MAP4K3: variants seen among roughly 807,000 people sequenced by gnomAD.
MAP4K3 encodes the protein mitogen-activated protein kinase kinase kinase kinase 3.
A neutral mutation model predicts 143.5 loss-of-function variants in MAP4K3; 94 were observed. The ratio of observed to expected loss-of-function variants is 0.65; its 90% CI spans 0.55 to 0.78. The LOEUF is 0.78. Among genes scored for constraint, MAP4K3 ranks in the 30% least tolerant of loss-of-function variants. The pLI, the probability that MAP4K3 is intolerant of heterozygous loss-of-function variation, is 0.00. For synonymous variants in MAP4K3, 416 were observed against 347.2 expected (o/e 1.20, Z -2.20); for missense variants, 1,077 against 1,068.1 (o/e 1.01, Z -0.12).
At chr2:39,280,212 C>A in intron 23 of MAP4K3, 60 bp downstream of exon 23, 1 of 946,654 alleles carries the variant, frequency 1.1e-6, no homozygotes, top group Non-Finnish European at 1.5e-6. Context: ...ATCACAAATG[C>A]TTTCATGGCC....
chr2:39,417,663 T>C (rs1558345900), intron 1 of MAP4K3, among the ~76,000 whole-genome samples: 1 of 152,236 alleles, frequency 6.6e-6, no homozygotes, highest in Non-Finnish European at 1.5e-5. Flanking sequence ...AAAATAATTA[T>C]AGATATGTAT....
chr2:39,329,328 G>A (rs1051855373), intron 8 of MAP4K3, among the ~76,000 whole-genome samples: 1 of 152,114 alleles, frequency 6.6e-6, no homozygotes, highest in Admixed American at 6.5e-5. Flanking sequence ...GAAGAACAAA[G>A]AGAAATATAT....
intron 15 of MAP4K3, among the ~76,000 whole-genome samples, chr2:39,301,515 C>T (rs1433280077): frequency 1.3e-5 from 2 of 152,114 alleles, no homozygotes; most frequent in African/African-American, 4.8e-5. Context: ...TCTATCAGAC[C>T]AGCTATATCT....
At chr2:39,344,062 T>C (rs1365415610) in intron 3 of MAP4K3, among the ~76,000 whole-genome samples, 1 of 152,206 alleles carries the variant, frequency 6.6e-6, no homozygotes, top group Non-Finnish European at 1.5e-5. Flanking sequence ...CCAGGAAATG[T>C]ACCATTCATG....
intron 1 of MAP4K3, among the ~76,000 whole-genome samples, chr2:39,430,438 C>T (rs1299561326): frequency 2.0e-5 from 3 of 151,636 alleles, no homozygotes; most frequent in Non-Finnish European, 4.4e-5. Flanking sequence ...AGAAATGTGG[C>T]ATCTTCCAGA....
intron 13 of MAP4K3, among the ~76,000 whole-genome samples, chr2:39,312,883 T>A (rs530128142): frequency 1.7e-4 from 26 of 152,348 alleles, no homozygotes; most frequent in African/African-American, 6.0e-4. Flanking sequence ...TGCATCTATC[T>A]GCCTTGTGTT....
rs912710171 is a variant in MAP4K3, at chr2:39,330,872, T to G, written c.530+1045A>C. On this transcript the variant is annotated intron_variant, in intron 8 of 33. Coordinates refer to ENST00000263881, the MANE Select transcript of MAP4K3 (RefSeq NM_003618.4). ...GCTTTTTTCAGGAAAGTACTGTTAA[T>G]TGACTCAGCAAAGTACACTGGAAAG... is the stretch of plus-strand genomic sequence containing the variant. 2.0e-5 allele frequency among the ~76,000 whole-genome samples: 3 copies of G among 152,202 alleles called. No homozygotes were observed. In the East Asian group the frequency reaches 5.8e-4, roughly 29 times the overall value.
At chr2:39,324,453 A>T (rs1055790117) in intron 12 of MAP4K3, among the ~76,000 whole-genome samples, 5 of 152,082 alleles carry the variant, frequency 3.3e-5, no homozygotes, top group Non-Finnish European at 5.9e-5. Context: ...GAGTATAATT[A>T]TAAGATTAAT....
At chr2:39,303,542 T>G (rs1445757330) in intron 15 of MAP4K3, among the ~76,000 whole-genome samples, 2 of 151,962 alleles carry the variant, frequency 1.3e-5, no homozygotes, top group Admixed American at 6.6e-5. Context: ...GTTTTTTGGG[T>G]TTTTGTTTGT....
At chr2:39,416,004 T>TATATATATATATATATATATATATATAA (rs1206690314) in intron 1 of MAP4K3, among the ~76,000 whole-genome samples, 2 of 76,080 alleles carry the variant, frequency 2.6e-5, no homozygotes, top group African/African-American at 6.0e-5. Context: ...TATATATATA[T>TATATATATATATATATATATATATATAA]AAAAATAACA....
At chr2:39,301,750 G>C (rs527828067) in intron 15 of MAP4K3, among the ~76,000 whole-genome samples, 3 of 152,182 alleles carry the variant, frequency 2.0e-5, no homozygotes. Flanking sequence ...TAGGCCGGGC[G>C]CAGTGGCTCA....
At chr2:39,338,134 G>T (rs1386102396) in intron 4 of MAP4K3, among the ~76,000 whole-genome samples, 1 of 152,158 alleles carries the variant, frequency 6.6e-6, no homozygotes, top group Non-Finnish European at 1.5e-5. Flanking sequence ...GCCTGGCACA[G>T]AAAAGCAGCC....
chr2:39,417,215 C>CTTTTTTTT (rs1243263619), intron 1 of MAP4K3, among the ~76,000 whole-genome samples: 2 of 133,806 alleles, frequency 1.5e-5, no homozygotes, highest in Non-Finnish European at 1.6e-5. Context: ...GGTTTCTTTT[C>CTTTTTTTT]TTTTTTTTTT....
chr2:39,292,864 TTTTACCAAAAC>T, intron 17 of MAP4K3, 38 bp from the exon 18 acceptor site: 1 of 1,551,718 alleles, frequency 6.4e-7, no homozygotes, highest in Non-Finnish European at 8.9e-7. Context: ...ATTAAATGGA[TTTTACCAAAAC>T]AGTAAGAAGA....
chr2:39,357,649 G>C (rs1384107751), intron 2 of MAP4K3, among the ~76,000 whole-genome samples: 1 of 152,092 alleles, frequency 6.6e-6, no homozygotes, highest in African/African-American at 2.4e-5. Context: ...ATAATTTTTA[G>C]GCTTTCAAAA....
chr2:39,274,577 C>G (rs1037557341), intron 24 of MAP4K3, among the ~76,000 whole-genome samples: 1 of 152,104 alleles, frequency 6.6e-6, no homozygotes. Context: ...ATTTTCAATG[C>G]TTTCTTCCTT....
At chr2:39,355,969 T>C (rs1028900891) in intron 3 of MAP4K3, among the ~76,000 whole-genome samples, 2 of 152,208 alleles carry the variant, frequency 1.3e-5, no homozygotes, top group African/African-American at 2.4e-5. Context: ...GAGAATGGCA[T>C]ATTTAGATCG....
rs567923802 is a variant in MAP4K3, at chr2:39,366,028, G to A, written c.155-9689C>T. On this transcript the variant is annotated intron_variant, in intron 2 of 33. Transcript: ENST00000263881. ...GTAGAAACAATAAATGAAATTAACA[G>A]TACTTCAGTTGTTCGTGAAAGGAGT... Among the ~76,000 whole-genome samples, 44 of 152,266 alleles carry A rather than the reference G, an allele frequency of 2.9e-4. 1 individual carries two copies. In the South Asian group the frequency reaches 7.9e-3, roughly 27 times the overall value.
intron 2 of MAP4K3, among the ~76,000 whole-genome samples, chr2:39,369,213 T>TTTTTTTTTTTTTTTG (rs1666013971): frequency 6.8e-6 from 1 of 147,888 alleles, no homozygotes; most frequent in African/African-American, 2.6e-5. Flanking sequence ...TTGTTTTTTT[T>TTTTTTTTTTTTTTTG]GAGATGCAGT....
Sources: gnomAD v4.1 joint callset for allele counts (sites outside exome capture counted in the v4.1 genomes callset) on GRCh38, gnomAD v4.1.1 for gene constraint, MANE v1.5 for transcripts, NCBI Gene and HGNC (gene_info 2026-07-23, HGNC 2026-07-21) for gene names.